DBNDD1: variants seen among roughly 807,000 people sequenced by gnomAD.
The protein encoded by DBNDD1 is dysbindin domain containing 1.
A neutral mutation model predicts 17.0 loss-of-function variants in DBNDD1; 14 were observed. That is an observed-to-expected ratio of 0.82 (90% CI 0.54 to 1.29). DBNDD1 has a LOEUF of 1.29. Among genes scored for constraint, DBNDD1 ranks in the 50% most tolerant of loss-of-function variants. DBNDD1 has a pLI of 0.00. For missense variants in DBNDD1, 221 were observed against 216.2 expected, an observed-to-expected ratio of 1.02 and a Z score of -0.14; for synonymous variants, 105 against 102.0, an observed-to-expected ratio of 1.03 and a Z score of -0.18.
chr16:90,017,411 C>T lies in DBNDD1; in HGVS notation c.31+1900G>A, dbSNP rs565589826. Among the ~76,000 whole-genome samples, 30 of 151,998 alleles carry T rather than the reference C, an allele frequency of 2.0e-4. No homozygotes were observed. In the South Asian group the frequency reaches 5.2e-3, roughly 26 times the overall value. On this transcript the variant is annotated intron_variant, in intron 1 of 3. Coordinates refer to ENST00000002501, the MANE Select transcript of DBNDD1 (RefSeq NM_001042610.3). ...TGGGGAGGCTGAGGCAGGAGAATGG[C>T]GTGAACCCGGGAGGTGGAGGTTGCA...
chr16:90,017,182 T>G (rs957606615), intron 1 of DBNDD1, among the ~76,000 whole-genome samples: 1 of 152,256 alleles, frequency 6.6e-6, no homozygotes, highest in African/African-American at 2.4e-5. Flanking sequence ...GCAAAAATAG[T>G]GTTTTAATAA....
chr16:90,015,695 C>CA (rs1399237845), intron 1 of DBNDD1, among the ~76,000 whole-genome samples: 1 of 152,194 alleles, frequency 6.6e-6, no homozygotes, highest in Non-Finnish European at 1.5e-5. Flanking sequence ...GCGGTACTGA[C>CA]ACCGGATATC....
Position 90,008,936 on chromosome 16 carries a change from G to A in DBNDD1, c.179-12C>T, listed in dbSNP as rs2035495999. On this transcript the variant is annotated splice_polypyrimidine_tract_variant and intron_variant, in intron 2 of 3. Transcript: ENST00000002501. The stretch of plus-strand genomic sequence containing the variant: ...GCTGCTCAGAGGCTCTGAGGGCAGA[G>A]GGGGTACAGTCAGCCCTCAGGCCCT... The A allele has an allele frequency of 1.3e-6, 2 of 1,545,012 alleles. No individual in the cohort carries two copies. Among genetic ancestry groups the A allele is most frequent in the Non-Finnish European group, 1.8e-6 (2 of 1,139,024 alleles).
At position 90,008,784 on chromosome 16, in the gene DBNDD1, C is replaced by CT. The variant is rs1456447203; in HGVS notation, c.318dup (p.Gly107ArgfsTer22). On this transcript the variant is annotated frameshift_variant and splice_region_variant, in exon 3 of 4. Transcript: ENST00000002501. LOFTEE classifies it high-confidence loss of function. ...AGCCCAGCCCTGATGCCGGCCTCAC[C>CT]TGCTGGGGACTCGGTGTTGAGGTTC... 6.3e-7 allele frequency: 1 copy of CT among 1,594,666 alleles called. No homozygotes were observed. Among genetic ancestry groups the CT allele is most frequent in the Admixed American group, 1.7e-5 (1 of 59,644 alleles).
upstream of DBNDD1, chr16:90,019,875 C>G: frequency 3.4e-6 from 2 of 593,356 alleles, no homozygotes; most frequent in Non-Finnish European, 6.3e-6. The surrounding 1 kb of genome is among the most constrained non-coding windows in gnomAD (Gnocchi z 6.1). Context: ...ACAGAGCGCC[C>G]TGGATGGCGC....
chr16:90,009,595 G>T, intron 1 of DBNDD1, 165 bp from the exon 2 acceptor site: 1 of 1,065,082 alleles, frequency 9.4e-7, no homozygotes. Flanking sequence ...CCTGGACCCA[G>T]ACAAGGGGTT....
chr16:90,009,276 G>A lies in DBNDD1; in HGVS notation c.178+8C>T. On this transcript the variant is annotated splice_region_variant and intron_variant, in intron 2 of 3. Coordinates refer to ENST00000002501, the MANE Select transcript of DBNDD1 (RefSeq NM_001042610.3). ...CATAGCGTGCGCTGGGCAGGGAGCAGTACTTACGCCTCCTCTCCGTGACCT... is the reference window on the plus strand; with the variant it reads ...CATAGCGTGCGCTGGGCAGGGAGCAATACTTACGCCTCCTCTCCGTGACCT... 5 of 1,612,912 alleles carry A rather than the reference G, an allele frequency of 3.1e-6. No homozygotes were observed. Among genetic ancestry groups the A allele is most frequent in the Non-Finnish European group, 4.2e-6 (5 of 1,179,886 alleles).
At chr16:90,014,742 C>T (rs964609854) in intron 1 of DBNDD1, among the ~76,000 whole-genome samples, 6 of 152,204 alleles carry the variant, frequency 3.9e-5, no homozygotes, top group Admixed American at 2.0e-4. Flanking sequence ...CGGTGGCTCA[C>T]GCCTGTAATC....
chr16:90,017,551 A>G (rs1003080830), intron 1 of DBNDD1, among the ~76,000 whole-genome samples: 4 of 152,216 alleles, frequency 2.6e-5, no homozygotes, highest in Non-Finnish European at 5.9e-5. Flanking sequence ...CAGTGAAATA[A>G]TATGTCTAGA....
chr16:90,018,838 GC>G (rs1178497494), intron 1 of DBNDD1, among the ~76,000 whole-genome samples: 1 of 152,128 alleles, frequency 6.6e-6, no homozygotes, highest in African/African-American at 2.4e-5. Flanking sequence ...TCAGCCCCTC[GC>G]CCCTGGCAGG....
In DBNDD1 at chr16:90,008,847, G is replaced by GGTCC. The variant is rs2035492401; in HGVS notation, c.252_255dup (p.Gln86GlyfsTer10). On this transcript the variant is annotated frameshift_variant, in exon 3 of 4. Coordinates refer to ENST00000002501, the MANE Select transcript of DBNDD1 (RefSeq NM_001042610.3). LOFTEE classifies it high-confidence loss of function. ...TCAGCAAAGACCTCGGCCAGCTCCT[G>GGTCC]GTCCGACATGTCGGTGAGCTCAGTG... 3 of 1,604,448 alleles carry GGTCC rather than the reference G, an allele frequency of 1.9e-6. No individual in the cohort carries two copies. The highest frequency in any genetic ancestry group is 1.7e-5 in the Admixed American group (1 of 59,612).
chr16:90,013,413 G>C (rs1461590027), intron 1 of DBNDD1, among the ~76,000 whole-genome samples: 2 of 152,134 alleles, frequency 1.3e-5, no homozygotes, highest in East Asian at 1.9e-4. Context: ...GGAGGAAGCT[G>C]AGGCACAGAG....
Position 90,017,494 on chromosome 16 carries a change from C to CA in DBNDD1, c.31+1816dup, listed in dbSNP as rs57236541. 2.4e-3 allele frequency among the ~76,000 whole-genome samples: 352 copies of CA among 144,194 alleles called. 1 individual carries two copies. The highest frequency in any genetic ancestry group is 7.6e-3 in the Middle Eastern group (2 of 264). 94.6% of individuals were successfully genotyped at this position (144,194 alleles called of 152,430 possible). ...TGGGCAACAGAGCGAGACTCCGTCT[C>CA]AAAAAAAAAAAAAATCATATTTTAC... On this transcript the variant is annotated intron_variant, in intron 1 of 3. Transcript: ENST00000002501.
chr16:90,009,837 C>G (rs181662629), intron 1 of DBNDD1: 3 of 974,768 alleles, frequency 3.1e-6, no homozygotes, highest in Non-Finnish European at 3.1e-6. Flanking sequence ...CATGTCCAGC[C>G]TCTTGGTCCC....
intron 1 of DBNDD1, chr16:90,009,963 G>A (rs1258101576): frequency 3.1e-6 from 5 of 1,613,696 alleles, no homozygotes; most frequent in Non-Finnish European, 4.2e-6. Context: ...AAACCAGGAG[G>A]AATAGGCAGG....
intron 3 of DBNDD1, 33 bp downstream of exon 3, chr16:90,008,751 C>G: frequency 3.2e-6 from 5 of 1,577,812 alleles, no homozygotes; most frequent in Non-Finnish European, 4.3e-6. Flanking sequence ...CCACCAGGCA[C>G]ACCTCCCAGC....
chr16:90,013,982 G>C (rs1475493132), intron 1 of DBNDD1, among the ~76,000 whole-genome samples: 1 of 152,092 alleles, frequency 6.6e-6, no homozygotes, highest in African/African-American at 2.4e-5. Context: ...GGACAGCTGG[G>C]GGCTGTGAGG....
intron 3 of DBNDD1, 147 bp from the exon 4 acceptor site, chr16:90,006,639 A>G (rs1169949914): frequency 2.9e-6 from 3 of 1,043,260 alleles, no homozygotes; most frequent in Non-Finnish European, 4.1e-6. Flanking sequence ...TCTACCTCTA[A>G]CGGGAGGCCC....
At chr16:90,009,221 C>T in intron 2 of DBNDD1, 63 bp downstream of exon 2, 2 of 1,599,078 alleles carry the variant, frequency 1.3e-6, no homozygotes, top group Non-Finnish European at 1.7e-6. Flanking sequence ...ACCCTGCTGC[C>T]TTGTCTCTTG....
Sources: gnomAD v4.1 joint callset for allele counts (sites outside exome capture counted in the v4.1 genomes callset) on GRCh38, gnomAD v4.1.1 for gene constraint, Gnocchi (gnomAD v3.1) non-coding constraint, MANE v1.5 for transcripts, NCBI Gene and HGNC (gene_info 2026-07-23, HGNC 2026-07-21) for gene names.